The following SPHKAP variants were observed in gnomAD, a reference collection of about 807,000 sequenced individuals.
SPHKAP encodes SPHK1 interactor, AKAP domain containing, also known as A-kinase anchor protein SPHKAP.
In SPHKAP, 67 loss-of-function variants were observed where a neutral mutation model predicts 137.5. The observed-to-expected ratio is 0.49, with a 90% CI of 0.40 to 0.60. The LOEUF is 0.60. Ranked by LOEUF, SPHKAP falls within the 20% of genes least tolerant of loss-of-function variation. SPHKAP has a pLI of 0.00. For synonymous variants in SPHKAP, 813 were observed against 785.3 expected (o/e 1.04, Z -0.59); for missense variants, 2,097 against 2,069.3 (o/e 1.01, Z -0.26).
chr2:227,983,105 T>A (rs530428287), intron 11 of SPHKAP, among the ~76,000 whole-genome samples: 91 of 152,318 alleles, frequency 6.0e-4, no homozygotes, highest in Non-Finnish European at 8.8e-4. Context: ...TAGGATTTTT[T>A]AAAATTAATT....
intron 1 of SPHKAP, among the ~76,000 whole-genome samples, chr2:228,160,852 T>C (rs1700253100): frequency 1.3e-5 from 2 of 152,240 alleles, no homozygotes; most frequent in Non-Finnish European, 2.9e-5. Context: ...CCAAATAAGA[T>C]ATTAGCATCT....
At chr2:228,132,210 C>A (rs1699275275) in intron 1 of SPHKAP, 125 bp from the exon 2 acceptor site, 1 of 783,500 alleles carries the variant, frequency 1.3e-6, no homozygotes, top group Non-Finnish European at 2.1e-6. Context: ...TTAAACACTG[C>A]AAATCCCCCT....
chr2:228,138,605 C>T (rs951579481), intron 1 of SPHKAP, among the ~76,000 whole-genome samples: 75 of 152,216 alleles, frequency 4.9e-4, no homozygotes, highest in African/African-American at 1.7e-3. Flanking sequence ...TCATAGGAAA[C>T]TATTACCAAA....
chr2:228,027,479 G>C lies in SPHKAP; in HGVS notation c.306+5C>G. The C allele has an allele frequency of 6.2e-7, 1 of 1,613,834 alleles. No individual in the cohort carries two copies. The highest frequency in any genetic ancestry group is 1.7e-5 in the Admixed American group (1 of 60,006). On this transcript the variant is annotated splice_donor_5th_base_variant and intron_variant, in intron 4 of 11. Coordinates refer to ENST00000392056, the MANE Select transcript of SPHKAP (RefSeq NM_001142644.2). ...CTCCCGGTCAGCTTGAGTTTCAAAT[G>C]TTACCTGTTGCAGGTGCTCTGTGCT...
chr2:228,170,765 A>T (rs901367638), intron 1 of SPHKAP, among the ~76,000 whole-genome samples: 11 of 152,108 alleles, frequency 7.2e-5, no homozygotes, highest in African/African-American at 2.2e-4. Flanking sequence ...GCCTTACTTC[A>T]TTATGATATT....
Position 228,064,382 on chromosome 2 carries a change from TTA to T in SPHKAP, c.247-36841_247-36840del, listed in dbSNP as rs370669849. On this transcript the variant is annotated intron_variant, in intron 3 of 11. Transcript: ENST00000392056. ...AGAATAAAAAGTTTCAGATCAATTT[TTA>T]GTGACGTATAATGTAGCCATTTAAT... Among the ~76,000 whole-genome samples, 34 of 152,332 alleles carry T rather than the reference TTA, an allele frequency of 2.2e-4. No homozygotes were observed. The East Asian group carries it at 6.2e-3, about 28-fold the overall frequency.
At chr2:228,104,999 C>T (rs918215262) in intron 3 of SPHKAP, among the ~76,000 whole-genome samples, 2 of 152,122 alleles carry the variant, frequency 1.3e-5, no homozygotes, top group Non-Finnish European at 2.9e-5. Context: ...AACAGGGTCA[C>T]ACTCTGTTAC....
chr2:228,110,278 C>A (rs1433339327), intron 2 of SPHKAP, among the ~76,000 whole-genome samples: 1 of 151,564 alleles, frequency 6.6e-6, no homozygotes, highest in Non-Finnish European at 1.5e-5. Context: ...AGTAATATTA[C>A]TCATCTAAAA....
intron 3 of SPHKAP, among the ~76,000 whole-genome samples, chr2:228,104,030 T>C (rs936323482): frequency 1.3e-5 from 2 of 151,914 alleles, no homozygotes; most frequent in Non-Finnish European, 2.9e-5. Context: ...TTGAGGAGTC[T>C]GGGGATCCTC....
chr2:228,135,058 T>A (rs1016074145), intron 1 of SPHKAP, among the ~76,000 whole-genome samples: 13 of 152,060 alleles, frequency 8.5e-5, no homozygotes, highest in African/African-American at 2.9e-4. Context: ...GTGGATCACC[T>A]GAGGTCGGGA....
chr2:228,162,718 G>A (rs1291717306), intron 1 of SPHKAP, among the ~76,000 whole-genome samples: 2 of 151,936 alleles, frequency 1.3e-5, no homozygotes, highest in African/African-American at 2.4e-5. Flanking sequence ...TATTTTTTTA[G>A]ACGGAGTTTT....
intron 3 of SPHKAP, among the ~76,000 whole-genome samples, chr2:228,059,025 T>A (rs1696545146): frequency 6.6e-6 from 1 of 152,230 alleles, no homozygotes; most frequent in South Asian, 2.1e-4. Flanking sequence ...CAGAATGCCA[T>A]ATAAGTGCGA....
intron 2 of SPHKAP, among the ~76,000 whole-genome samples, chr2:228,112,556 T>A (rs1698552496): frequency 6.6e-6 from 1 of 151,946 alleles, no homozygotes; most frequent in Admixed American, 6.6e-5. Flanking sequence ...GTGTGCTGGG[T>A]GGGTACATTT....
intron 3 of SPHKAP, among the ~76,000 whole-genome samples, chr2:228,073,604 T>G (rs1379654319): frequency 6.6e-6 from 1 of 152,236 alleles, no homozygotes; most frequent in East Asian, 1.9e-4. Context: ...TTCAGGAATC[T>G]TTGTGTCTGA....
rs778229652 is a variant in SPHKAP, at chr2:228,021,867, C to T, written c.541G>A (p.Gly181Ser). 9.9e-6 allele frequency: 16 copies of T among 1,614,052 alleles called. No individual in the cohort carries two copies. The South Asian group carries it at 1.6e-4, about 17-fold the overall frequency. Reference sequence around the variant, plus strand: ...TGTCGCTCCTGCACCAGTTCCAGACCAATCAGAAATTTGTTGATTTCAAAG... The same window carrying T: ...TGTCGCTCCTGCACCAGTTCCAGACTAATCAGAAATTTGTTGATTTCAAAG... ...IIFEINKFLI[G>S]LELVQERQLH... Residue 181 changes from glycine to serine, a missense_variant, in exon 6 of 12, where the codon GGT becomes AGT. By Grantham distance (56) the Gly-to-Ser change is moderately conservative. Transcript: ENST00000392056.
At chr2:228,173,568 T>C (rs1700650286) in intron 1 of SPHKAP, among the ~76,000 whole-genome samples, 1 of 152,054 alleles carries the variant, frequency 6.6e-6, no homozygotes, top group South Asian at 2.1e-4. Flanking sequence ...ATTGCTAGCT[T>C]TGTAGATGGA....
At chr2:228,113,370 G>A (rs900544287) in intron 2 of SPHKAP, among the ~76,000 whole-genome samples, 2 of 151,994 alleles carry the variant, frequency 1.3e-5, no homozygotes, top group East Asian at 3.9e-4. Flanking sequence ...CATAGATAAG[G>A]TTCTTAAAAC....
At chr2:228,086,045 A>C (rs2106320610) in intron 3 of SPHKAP, among the ~76,000 whole-genome samples, 1 of 152,280 alleles carries the variant, frequency 6.6e-6, no homozygotes, top group Non-Finnish European at 1.5e-5. Context: ...AACATCTCCA[A>C]AGGCCAGGCA....
chr2:227,987,554 ATAAT>A (rs1233885314), intron 11 of SPHKAP, among the ~76,000 whole-genome samples: 2 of 152,198 alleles, frequency 1.3e-5, no homozygotes, highest in African/African-American at 4.8e-5. Flanking sequence ...TAGCTTTTTA[ATAAT>A]TAGATAAAAC....
Sources: allele counts gnomAD v4.1 joint callset (sites outside exome capture counted in the v4.1 genomes callset), GRCh38; gene constraint gnomAD v4.1.1; transcripts MANE v1.5; gene names NCBI Gene and HGNC (gene_info 2026-07-23, HGNC 2026-07-21).